SHROOM2: variants seen among roughly 807,000 people sequenced by gnomAD.
SHROOM2 encodes protein Shroom2.
A neutral mutation model predicts 75.9 loss-of-function variants in SHROOM2; 33 were observed. That is an observed-to-expected ratio of 0.43 (90% confidence interval 0.33 to 0.58). The LOEUF is 0.58. Among genes scored for constraint, SHROOM2 ranks in the 20% least tolerant of loss-of-function variants. SHROOM2 has a pLI of 0.04. For missense variants in SHROOM2, 1,434 were observed against 1,461.2 expected, an observed-to-expected ratio of 0.98 and a Z score of 0.30; for synonymous variants, 655 against 663.6, an observed-to-expected ratio of 0.99 and a Z score of 0.20.
Position 9,932,862 on chromosome X carries a change from T to C in SHROOM2, c.3579T>C (p.Asp1193=), listed in dbSNP as rs749368205. 1 of 1,188,561 alleles carries C rather than the reference T, an allele frequency of 8.4e-7. No homozygotes were observed. Among genetic ancestry groups the C allele is most frequent in the East Asian group, 3.0e-5 (1 of 33,698 alleles). ...DKPPLLIQDE[D]STRIERVMDN... The stretch of plus-strand genomic sequence containing the variant: ...CTCCCCTGCTCATCCAGGATGAGGA[T>C]TCAACCAGGTACTGTCCTGCGACGG... Residue 1193 remains aspartate (D), a synonymous_variant, in exon 6 of 10, where the codon GAT becomes GAC. Coordinates refer to ENST00000380913, the MANE Select transcript of SHROOM2 (RefSeq NM_001649.4).
chrX:9,868,523 C>T (rs1015714307), intron 1 of SHROOM2, among the ~76,000 whole-genome samples: 16 of 109,152 alleles, frequency 1.5e-4, no homozygotes, highest in Non-Finnish European at 2.8e-4. Context: ...GGATTACAAG[C>T]GTGAGCCACC....
intron 5 of SHROOM2, among the ~76,000 whole-genome samples, chrX:9,930,891 C>T (rs2084642491): frequency 9.2e-6 from 1 of 108,819 alleles, no homozygotes; most frequent in Non-Finnish European, 1.9e-5. Context: ...TACAGGTACA[C>T]GCCACCATGC....
intron 1 of SHROOM2, among the ~76,000 whole-genome samples, chrX:9,817,506 G>A (rs754789762): frequency 9.0e-6 from 1 of 111,588 alleles, no homozygotes; most frequent in Non-Finnish European, 1.9e-5. Context: ...AACTTCCCTG[G>A]CTCACCCAAC....
intron 1 of SHROOM2, among the ~76,000 whole-genome samples, chrX:9,867,439 C>T (rs112314894): frequency 5.4e-5 from 6 of 111,015 alleles, no homozygotes; most frequent in African/African-American, 2.0e-4. Flanking sequence ...AAGATTTTTC[C>T]TAAGTACTAC....
chrX:9,893,238 G>A (rs2084304079), intron 3 of SHROOM2, among the ~76,000 whole-genome samples: 1 of 111,666 alleles, frequency 9.0e-6, no homozygotes, highest in Non-Finnish European at 1.9e-5. Flanking sequence ...AAGTAGCTGG[G>A]ACTACAGGCA....
intron 8 of SHROOM2, among the ~76,000 whole-genome samples, chrX:9,941,563 C>T (rs758245645): frequency 8.9e-6 from 1 of 112,172 alleles, no homozygotes; most frequent in East Asian, 2.8e-4. Context: ...ATCTGGACTC[C>T]TTTCAGAGAG....
intron 1 of SHROOM2, among the ~76,000 whole-genome samples, chrX:9,850,902 G>A (rs2084036156): frequency 9.0e-6 from 1 of 111,020 alleles, no homozygotes; most frequent in African/African-American, 3.3e-5. Context: ...TAATGGGAGG[G>A]CCCCTGCCTC....
chrX:9,843,661 A>G (rs2083991120), intron 1 of SHROOM2, among the ~76,000 whole-genome samples: 1 of 112,475 alleles, frequency 8.9e-6, no homozygotes, highest in Admixed American at 9.4e-5. Flanking sequence ...TCAGCCTCCC[A>G]AAGTGCTGGG....
At chrX:9,883,584 G>A (rs1016550808) in intron 2 of SHROOM2, among the ~76,000 whole-genome samples, 49 of 110,703 alleles carry the variant, frequency 4.4e-4, no homozygotes, top group African/African-American at 1.6e-3. Context: ...GAGAACCCCT[G>A]GACTAGACCA....
In SHROOM2 at chrX:9,896,377, A is replaced by G; in HGVS notation, c.2469A>G (p.Arg823=). 1 of 1,212,318 alleles carries G rather than the reference A, an allele frequency of 8.2e-7. No homozygotes were observed. The highest frequency in any genetic ancestry group is 1.1e-6 in the Non-Finnish European group (1 of 895,652). ...AQKQALHGIP[R]DKPERPRTAG... ...AGCAAGCTCTTCACGGAATCCCGAG[A>G]GACAAGCCAGAGAGGCCGCGGACAG... is the stretch of plus-strand genomic sequence containing the variant. Residue 823 remains arginine (R), a synonymous_variant, in exon 4 of 10, where the codon AGA becomes AGG. Coordinates refer to ENST00000380913, the MANE Select transcript of SHROOM2 (RefSeq NM_001649.4).
intron 1 of SHROOM2, among the ~76,000 whole-genome samples, chrX:9,798,241 T>C (rs142366641): frequency 0.01 from 1,129 of 111,291 alleles, 15 homozygotes; most frequent in African/African-American, 0.035. Context: ...AAACCCTCCC[T>C]GGACTTGCAA....
At chrX:9,862,044 T>C (rs1354810071) in intron 1 of SHROOM2, among the ~76,000 whole-genome samples, 1 of 112,137 alleles carries the variant, frequency 8.9e-6, no homozygotes, top group Admixed American at 9.4e-5. Flanking sequence ...CCCCCGTGCT[T>C]ACGGCTTTTC....
intron 2 of SHROOM2, among the ~76,000 whole-genome samples, chrX:9,876,148 G>A (rs1357936917): frequency 1.8e-5 from 2 of 112,613 alleles, no homozygotes; most frequent in Non-Finnish European, 3.7e-5. Flanking sequence ...TGGACAAAAT[G>A]ATAATGTGGT....
chrX:9,932,732 C>T lies in SHROOM2; in HGVS notation c.3449C>T (p.Ala1150Val). The stretch of plus-strand genomic sequence containing the variant: ...GACGCATCACGTCCTCTGCCAGAAG[C>T]ACTGCTCCCTCCCAAGCAGCAGCAC... ...SGDASRPLPE[A>V]LLPPKQQHLR... The change falls in exon 6 of 10, where the codon GCA (alanine) becomes GTA (valine). Residue 1150 changes from alanine (A) to valine (V), a missense_variant. Ala to Val is a moderately conservative substitution (Grantham distance 64). Transcript: ENST00000380913. 8.3e-7 allele frequency: 1 copy of T among 1,211,203 alleles called. No homozygotes were observed. The highest frequency in any genetic ancestry group is 1.7e-5 in the African/African-American group (1 of 57,951).
At chrX:9,831,737 G>T (rs1285334793) in intron 1 of SHROOM2, among the ~76,000 whole-genome samples, 1 of 111,843 alleles carries the variant, frequency 8.9e-6, no homozygotes, top group Admixed American at 9.4e-5. Flanking sequence ...ATCGAGGCGT[G>T]GCAGATTCAG....
At chrX:9,946,024 C>T (rs149378887) in intron 9 of SHROOM2, among the ~76,000 whole-genome samples, 420 of 112,810 alleles carry the variant, frequency 3.7e-3, no homozygotes, top group Non-Finnish European at 5.8e-3. Context: ...GGCTTGGAGA[C>T]GGTGCCCTTC....
chrX:9,790,612 A>G (rs1210656135), intron 1 of SHROOM2, among the ~76,000 whole-genome samples: 1 of 111,328 alleles, frequency 9.0e-6, no homozygotes, highest in Non-Finnish European at 1.9e-5. Context: ...TCCGAGTTGT[A>G]AAGCTTTACT....
At chrX:9,854,602 T>C (rs2084057086) in intron 1 of SHROOM2, among the ~76,000 whole-genome samples, 1 of 112,412 alleles carries the variant, frequency 8.9e-6, no homozygotes, top group Non-Finnish European at 1.9e-5. Context: ...CAGCAACTCA[T>C]TACTCTTCAC....
intron 1 of SHROOM2, among the ~76,000 whole-genome samples, chrX:9,798,839 A>G (rs1466614737): frequency 1.8e-5 from 2 of 112,231 alleles, no homozygotes; most frequent in South Asian, 3.7e-4. Context: ...CATTATGTTT[A>G]GATGCCCTGA....
Sources: allele counts gnomAD v4.1 joint callset (sites outside exome capture counted in the v4.1 genomes callset), GRCh38; gene constraint gnomAD v4.1.1; transcripts MANE v1.5; gene names NCBI Gene and HGNC (gene_info 2026-07-23, HGNC 2026-07-21).